AKAP19: variants seen among roughly 807,000 people sequenced by gnomAD.
AKAP19 encodes the protein small A-kinase anchoring protein.
chr2:190,033,681 T>C, the AKAP19 span, among the ~76,000 whole-genome samples: 1 of 152,232 alleles, frequency 6.6e-6, no homozygotes, highest in Non-Finnish European at 1.5e-5. Flanking sequence ...GCTGCTTTTG[T>C]ATAATTATAC....
chr2:189,924,510 A>C, the AKAP19 span, among the ~76,000 whole-genome samples: 1 of 152,192 alleles, frequency 6.6e-6, no homozygotes, highest in African/African-American at 2.4e-5. Flanking sequence ...GTTTTTATCA[A>C]CTGTCTCCAA....
At chr2:189,888,254 A>G in the AKAP19 span, among the ~76,000 whole-genome samples, 1 of 152,174 alleles carries the variant, frequency 6.6e-6, no homozygotes, top group Non-Finnish European at 1.5e-5. Flanking sequence ...TCAAAGATCA[A>G]ATGGTTGTAG....
At chr2:190,073,836 A>G in the AKAP19 span, among the ~76,000 whole-genome samples, 1 of 151,940 alleles carries the variant, frequency 6.6e-6, no homozygotes, top group Non-Finnish European at 1.5e-5. Flanking sequence ...GGATCACCTG[A>G]GGTCAGGAGT....
chr2:190,119,105 A>G, the AKAP19 span, among the ~76,000 whole-genome samples: 4 of 152,064 alleles, frequency 2.6e-5, no homozygotes, highest in Non-Finnish European at 5.9e-5. Context: ...TCATGAGTGA[A>G]CTCCCATTCA....
At chr2:190,132,517 C>G in the AKAP19 span, among the ~76,000 whole-genome samples, 1 of 152,118 alleles carries the variant, frequency 6.6e-6, no homozygotes, top group African/African-American at 2.4e-5. Context: ...AGATGTCAAG[C>G]ATATACAATG....
At chr2:189,995,435 C>T in the AKAP19 span, among the ~76,000 whole-genome samples, 2 of 152,144 alleles carry the variant, frequency 1.3e-5, no homozygotes, top group East Asian at 1.9e-4. Context: ...AATAGCTACT[C>T]CTGCTCACTT....
the AKAP19 span, among the ~76,000 whole-genome samples, chr2:190,090,555 G>A: frequency 1.1e-4 from 16 of 152,150 alleles, no homozygotes; most frequent in Non-Finnish European, 2.1e-4. Flanking sequence ...TTCTACTTAT[G>A]TATAGCCTCA....
chr2:189,900,123 A>G, the AKAP19 span, among the ~76,000 whole-genome samples: 65 of 152,344 alleles, frequency 4.3e-4, no homozygotes, highest in Admixed American at 1.6e-3. Context: ...ATTTCATTAT[A>G]TGAATTTGCT....
the AKAP19 span, among the ~76,000 whole-genome samples, chr2:189,891,221 T>C: frequency 7.0e-6 from 1 of 143,202 alleles, no homozygotes; most frequent in Non-Finnish European, 1.5e-5. Flanking sequence ...TCTTTTTTTT[T>C]CCTTTTTTTT....
chr2:190,103,561 C>A, the AKAP19 span, among the ~76,000 whole-genome samples: 1 of 152,064 alleles, frequency 6.6e-6, no homozygotes. Flanking sequence ...AGGCTGAAAG[C>A]CAAATCAAGA....
chr2:190,077,460 C>CATG, the AKAP19 span, among the ~76,000 whole-genome samples: 2 of 131,716 alleles, frequency 1.5e-5, no homozygotes, highest in African/African-American at 8.0e-5. Context: ...AACATGTTAA[C>CATG]ATGTTAACAT....
chr2:190,052,040 T>G, the AKAP19 span, among the ~76,000 whole-genome samples: 1 of 151,924 alleles, frequency 6.6e-6, no homozygotes, highest in African/African-American at 2.4e-5. Flanking sequence ...GGTGTTTCAC[T>G]GTGTTAGTCA....
At chr2:190,011,050 C>CTTTT in the AKAP19 span, among the ~76,000 whole-genome samples, 7 of 59,564 alleles carry the variant, frequency 1.2e-4, no homozygotes, top group Admixed American at 4.8e-4. Flanking sequence ...CTCTCTCTCT[C>CTTTT]TTTTTTTTTT....
At chr2:189,908,653 T>C in the AKAP19 span, among the ~76,000 whole-genome samples, 1 of 152,354 alleles carries the variant, frequency 6.6e-6, no homozygotes, top group South Asian at 2.1e-4. Context: ...TCCACGTATT[T>C]GGGGATTTAA....
At chr2:190,065,500 A>T in the AKAP19 span, among the ~76,000 whole-genome samples, 2 of 152,196 alleles carry the variant, frequency 1.3e-5, no homozygotes, top group Non-Finnish European at 2.9e-5. Flanking sequence ...TAAGGGAAAA[A>T]AGTTCTCATG....
At chr2:190,153,186 T>C in the AKAP19 span, among the ~76,000 whole-genome samples, 26 of 152,344 alleles carry the variant, frequency 1.7e-4, no homozygotes, top group South Asian at 4.1e-4. Flanking sequence ...TGAGCCACCG[T>C]GCCCGGCCAC....
the AKAP19 span, chr2:189,879,660 G>C: frequency 6.6e-6 from 1 of 152,454 alleles, no homozygotes; most frequent in African/African-American, 2.4e-5. Context: ...ACAGGGAAGC[G>C]CTGGCTCCCA....
chr2:190,059,019 CATAT>C, the AKAP19 span, among the ~76,000 whole-genome samples: 2 of 150,856 alleles, frequency 1.3e-5, no homozygotes, highest in African/African-American at 4.9e-5. Flanking sequence ...TATATATACA[CATAT>C]ATATAATAAA....
At chr2:190,047,412 G>T in the AKAP19 span, among the ~76,000 whole-genome samples, 1 of 152,292 alleles carries the variant, frequency 6.6e-6, no homozygotes, top group African/African-American at 2.4e-5. Context: ...GTCCAGCGGA[G>T]GTGACTTTCC....
Sources: gnomAD v4.1 joint callset for allele counts (sites outside exome capture counted in the v4.1 genomes callset) on GRCh38, gnomAD v4.1.1 for gene constraint, MANE v1.5 for transcripts, NCBI Gene and HGNC (gene_info 2026-07-23, HGNC 2026-07-21) for gene names.